Variants in SLC5A10 observed in about 807,000 individuals in gnomAD.
The protein encoded by SLC5A10 is solute carrier family 5 member 10, also known as sodium/mannose cotransporter SLC5A10.
In SLC5A10, 55 loss-of-function variants were observed where a neutral mutation model predicts 68.9. That is an observed-to-expected ratio of 0.80 (90% CI 0.64 to 1.00). The LOEUF is 1.00. Among genes scored for constraint, SLC5A10 ranks in the 50% least tolerant of loss-of-function variants. The pLI is 0.00. For missense variants in SLC5A10, 732 were observed against 819.3 expected (o/e 0.89, Z 1.30); for synonymous variants, 344 against 344.8 (o/e 1.00, Z 0.02).
intron 9 of SLC5A10, among the ~76,000 whole-genome samples, chr17:19,012,604 G>A (rs1031879727): frequency 6.6e-6 from 1 of 152,224 alleles, no homozygotes; most frequent in African/African-American, 2.4e-5. Context: ...ACCGGAATTC[G>A]GGAAGGAGGC....
In SLC5A10 at chr17:18,976,961, G is replaced by A. The variant is rs746229122; in HGVS notation, c.954G>A (p.Pro318=). The change falls in exon 9 of 15, where the codon CCG becomes CCA. Residue 318 remains proline, a synonymous_variant. Transcript: ENST00000395645. The stretch of plus-strand genomic sequence containing the variant: ...TCCCCATGGGCCTGATCATCATGCC[G>A]GGCATGATCAGCCGCGCATTGTTCC... ...KMLPMGLIIM[P]GMISRALFPD... is the part of the protein sequence containing the mutation. 1.4e-5 allele frequency: 23 copies of A among 1,612,890 alleles called. No individual in the cohort carries two copies. Among genetic ancestry groups the A allele is most frequent in the Admixed American group, 1.3e-4 (8 of 59,982 alleles).
At position 19,004,340 on chromosome 17, in the gene SLC5A10, C is replaced by A. The variant is rs2043821711; in HGVS notation, c.983-9070C>A. 1 of 327,906 alleles carries A rather than the reference C, an allele frequency of 3.0e-6. No homozygotes were observed. The highest frequency in any genetic ancestry group is 4.5e-5 in the South Asian group (1 of 22,172). 20.3% of individuals were successfully genotyped at this position (327,906 alleles called of 1,614,324 possible). The stretch of plus-strand genomic sequence containing the variant: ...CTGGGATGGGAAGAAAGTAAGGGAT[C>A]GGAACAGCGGTGAGGGAGCGGTGGG... On this transcript the variant is annotated intron_variant, in intron 9 of 14. Transcript: ENST00000395645. The surrounding 1 kb of genome is among the most constrained non-coding windows in gnomAD (Gnocchi z 5.4).
At chr17:18,973,352 C>T (rs1281626874) in intron 8 of SLC5A10, among the ~76,000 whole-genome samples, 3 of 152,216 alleles carry the variant, frequency 2.0e-5, no homozygotes, top group Admixed American at 6.5e-5. Flanking sequence ...ATAAGGAGCC[C>T]GAGGCCCAGA....
chr17:19,005,522 C>T (rs895572182), intron 9 of SLC5A10, among the ~76,000 whole-genome samples: 1 of 152,162 alleles, frequency 6.6e-6, no homozygotes, highest in African/African-American at 2.4e-5. Flanking sequence ...CCAGTCTGCC[C>T]GGCACCAGGC....
At chr17:19,005,424 C>G (rs1356647349) in intron 9 of SLC5A10, among the ~76,000 whole-genome samples, 5 of 152,120 alleles carry the variant, frequency 3.3e-5, no homozygotes, top group Admixed American at 3.3e-4. Flanking sequence ...GCGTGGAGAC[C>G]ACATCTGAAG....
At chr17:18,963,955 A>G (rs954701230) in intron 5 of SLC5A10, among the ~76,000 whole-genome samples, 4 of 152,072 alleles carry the variant, frequency 2.6e-5, no homozygotes, top group Non-Finnish European at 5.9e-5. Flanking sequence ...CACCCGCTCC[A>G]GCCACACTGG....
Position 19,017,579 on chromosome 17 carries a change from C to T in SLC5A10, c.1242-1844C>T, listed in dbSNP as rs1005190547. Reference sequence around the variant, plus strand: ...GGAGCCGTCACAGGCTGGGGGAGAGCGATGACCCGCCCCCACTCCCGTATG... The same window carrying T: ...GGAGCCGTCACAGGCTGGGGGAGAGTGATGACCCGCCCCCACTCCCGTATG... On this transcript the variant is annotated intron_variant, in intron 11 of 14. Coordinates refer to ENST00000395645, the MANE Select transcript of SLC5A10 (RefSeq NM_001042450.4). This position sits in a 1 kb window ranked among gnomAD's most constrained non-coding sequence, Gnocchi z 5.6. The T allele has an allele frequency of 5.4e-5, 32 of 587,194 alleles. 1 individual carries two copies. Among genetic ancestry groups the T allele is most frequent in the South Asian group, 3.2e-4 (16 of 49,524 alleles). The allele number at this position is 587,194 out of a possible 1,614,324, so 36.4% of individuals were successfully genotyped here.
At chr17:18,985,643 TCTGG>T (rs2043250843) in intron 9 of SLC5A10, among the ~76,000 whole-genome samples, 1 of 152,198 alleles carries the variant, frequency 6.6e-6, no homozygotes, top group Admixed American at 6.5e-5. Flanking sequence ...TCTCAGGGCC[TCTGG>T]CCACCCGCCC....
intron 5 of SLC5A10, among the ~76,000 whole-genome samples, chr17:18,961,221 GC>G (rs2042607966): frequency 6.6e-6 from 1 of 152,166 alleles, no homozygotes; most frequent in African/African-American, 2.4e-5. Context: ...GGAAACTAAG[GC>G]CCAGAGAAGG....
Position 19,013,391 on chromosome 17 carries a change from G to A in SLC5A10, c.983-19G>A. The A allele has an allele frequency of 6.2e-7, 1 of 1,605,362 alleles. No individual in the cohort carries two copies. The highest frequency in any genetic ancestry group is 8.5e-7 in the Non-Finnish European group (1 of 1,175,620). On this transcript the variant is annotated intron_variant, in intron 9 of 14. Coordinates refer to ENST00000395645, the MANE Select transcript of SLC5A10 (RefSeq NM_001042450.4). ...TCATGTCTATGAGGAGAGACACCAAGTGTCCGTCTCTCGAACAGATGATGT... is the reference window on the plus strand; with the variant it reads ...TCATGTCTATGAGGAGAGACACCAAATGTCCGTCTCTCGAACAGATGATGT...
rs780898772 is a variant in SLC5A10, at chr17:18,978,022, G to A, written c.982+1033G>A. The stretch of plus-strand genomic sequence containing the variant: ...GCCGCTGGAGTGGGGCGTGGCCTGG[G>A]CCTGCCATCCTGGGTAGCCTATGGT... On this transcript the variant is annotated intron_variant, in intron 9 of 14. Transcript: ENST00000395645. The A allele has an allele frequency of 9.1e-6, 14 of 1,544,132 alleles. No individual in the cohort carries two copies. The Admixed American group carries it at 2.2e-4, about 24-fold the overall frequency.
At position 19,003,753 on chromosome 17, in the gene SLC5A10, C is replaced by T; in HGVS notation, c.983-9657C>T. On this transcript the variant is annotated intron_variant, in intron 9 of 14. Transcript: ENST00000395645. The surrounding 1 kb of genome is among the most constrained non-coding windows in gnomAD (Gnocchi z 4.5). ...TCCGCCCCGCTGGCTTCCTCGCCGTCGCCGACCCCATTGTCCTCGGGCCCC... is the reference window on the plus strand; with the variant it reads ...TCCGCCCCGCTGGCTTCCTCGCCGTTGCCGACCCCATTGTCCTCGGGCCCC... 1 of 1,606,476 alleles carries T rather than the reference C, an allele frequency of 6.2e-7. No individual in the cohort carries two copies. Among genetic ancestry groups the T allele is most frequent in the Non-Finnish European group, 8.5e-7 (1 of 1,176,602 alleles).
chr17:18,955,108 A>AAC (rs1555570033), intron 1 of SLC5A10, among the ~76,000 whole-genome samples: 17 of 122,276 alleles, frequency 1.4e-4, no homozygotes, highest in African/African-American at 5.0e-4. Context: ...AAAAAAAAAA[A>AAC]AAGAATTCAG....
chr17:18,970,017 TTCCAGAC>T (rs1308290739), intron 7 of SLC5A10: 1 of 152,442 alleles, frequency 6.6e-6, no homozygotes, highest in East Asian at 1.9e-4. Context: ...CTAAAGACTC[TTCCAGAC>T]TCAGACACTG....
Position 19,017,214 on chromosome 17 carries a change from C to A in SLC5A10, c.1241+2015C>A. ...GGGCCCCAGTTCTCTCAGCTGCCAGCTGGATAGAGCAGAAAGGGCCCCGTG... is the reference window on the plus strand; with the variant it reads ...GGGCCCCAGTTCTCTCAGCTGCCAGATGGATAGAGCAGAAAGGGCCCCGTG... On this transcript the variant is annotated intron_variant, in intron 11 of 14. Coordinates refer to ENST00000395645, the MANE Select transcript of SLC5A10 (RefSeq NM_001042450.4). The surrounding 1 kb of genome is among the most constrained non-coding windows in gnomAD (Gnocchi z 5.6). 1.4e-6 allele frequency: 2 copies of A among 1,383,644 alleles called. No homozygotes were observed. The highest frequency in any genetic ancestry group is 2.0e-6 in the Non-Finnish European group (2 of 997,792). The allele number at this position is 1,383,644 out of a possible 1,614,324, so 85.7% of individuals were successfully genotyped here. A position where few individuals can be genotyped will look rare whatever the true frequency, so the allele number is the denominator to read the frequency against.
intron 2 of SLC5A10, 112 bp downstream of exon 2, chr17:18,958,865 C>A: frequency 7.7e-7 from 1 of 1,301,808 alleles, no homozygotes; most frequent in Non-Finnish European, 1.1e-6. Flanking sequence ...GTGGAGCAGG[C>A]CGGAGGCTGG....
In SLC5A10 at chr17:19,020,497, G is replaced by A; in HGVS notation, c.*66G>A. The stretch of plus-strand genomic sequence containing the variant: ...CAGGTCCACCCATTTCCCTCATGGG[G>A]ATCCCGAGGCCCCAAGAGGGGCAGA... On this transcript the variant is annotated 3_prime_UTR_variant, in exon 15 of 15. Coordinates refer to ENST00000395645, the MANE Select transcript of SLC5A10 (RefSeq NM_001042450.4). The A allele has an allele frequency of 1.3e-6, 2 of 1,506,648 alleles. No individual in the cohort carries two copies. Among genetic ancestry groups the A allele is most frequent in the Non-Finnish European group, 1.8e-6 (2 of 1,092,998 alleles). 93.3% of individuals were successfully genotyped at this position (1,506,648 alleles called of 1,614,324 possible).
chr17:19,005,436 CAGGCTTTG>C (rs1567808840), intron 9 of SLC5A10, among the ~76,000 whole-genome samples: 1 of 152,158 alleles, frequency 6.6e-6, no homozygotes, highest in Non-Finnish European at 1.5e-5. Context: ...CATCTGAAGG[CAGGCTTTG>C]AGGGTGGGAC....
chr17:18,989,855 C>G (rs2043367485), intron 9 of SLC5A10, among the ~76,000 whole-genome samples: 1 of 152,188 alleles, frequency 6.6e-6, no homozygotes, highest in African/African-American at 2.4e-5. Context: ...GCAAGTTGGG[C>G]CAGGGCCTGG....
Sources: allele counts gnomAD v4.1 joint callset (sites outside exome capture counted in the v4.1 genomes callset), GRCh38; gene constraint gnomAD v4.1.1; non-coding constraint Gnocchi (gnomAD v3.1); transcripts MANE v1.5; gene names NCBI Gene and HGNC (gene_info 2026-07-23, HGNC 2026-07-21).